Variants in SLC7A2 observed in about 807,000 individuals in gnomAD.
The protein encoded by SLC7A2 is solute carrier family 7 member 2.
In SLC7A2, 48 loss-of-function variants were observed where a neutral mutation model predicts 58.9. The ratio of observed to expected loss-of-function variants is 0.82; its 90% CI spans 0.65 to 1.04. SLC7A2 has a LOEUF of 1.04. SLC7A2 is among the 50% of genes least tolerant of loss of function. The pLI is 0.00. For synonymous variants in SLC7A2, 363 were observed against 314.5 expected, an observed-to-expected ratio of 1.15 and a Z score of -1.63; for missense variants, 1,029 against 818.8, an observed-to-expected ratio of 1.26 and a Z score of -3.13.
intron 2 of SLC7A2, among the ~76,000 whole-genome samples, chr8:17,511,737 A>T (rs1198074106): frequency 3.3e-5 from 5 of 152,210 alleles, no homozygotes; most frequent in Admixed American, 6.5e-5. Context: ...GTTAGAAGCT[A>T]ATAAACTGGG....
At chr8:17,529,259 T>G (rs898290358) in intron 2 of SLC7A2, among the ~76,000 whole-genome samples, 2 of 152,192 alleles carry the variant, frequency 1.3e-5, no homozygotes, top group African/African-American at 2.4e-5. Flanking sequence ...ACGTCTTGTG[T>G]ACGTACAACC....
intron 9 of SLC7A2, 138 bp from the exon 10 acceptor site, chr8:17,560,190 G>T: frequency 1.5e-6 from 1 of 651,528 alleles, no homozygotes; most frequent in Admixed American, 2.6e-5. Flanking sequence ...AGCATGCTCT[G>T]GGACTGGAGT....
At chr8:17,543,850 T>C (rs1802035197) in intron 3 of SLC7A2, 135 bp downstream of exon 3, 2 of 699,258 alleles carry the variant, frequency 2.9e-6, no homozygotes, top group Admixed American at 1.0e-4. Flanking sequence ...ATCTCGAAAA[T>C]GTCTCCTTCT....
In SLC7A2 at chr8:17,556,293, C is replaced by T. The variant is rs577844682; in HGVS notation, c.1195+1594C>T. ...TAACTCATAAAAAATTTTCTCTTTCCGGTAAAATACTTGCCAGTAATGATG... is the reference window on the plus strand; with the variant it reads ...TAACTCATAAAAAATTTTCTCTTTCTGGTAAAATACTTGCCAGTAATGATG... On this transcript the variant is annotated intron_variant, in intron 8 of 12. Coordinates refer to ENST00000494857, the MANE Select transcript of SLC7A2 (RefSeq NM_001370338.1). 1.2e-4 allele frequency among the ~76,000 whole-genome samples: 18 copies of T among 151,690 alleles called. No individual in the cohort carries two copies. The South Asian group carries it at 2.7e-3, about 23-fold the overall frequency.
chr8:17,565,169 C>A lies in SLC7A2; in HGVS notation c.*23C>A. 1.9e-6 allele frequency: 3 copies of A among 1,577,668 alleles called. No homozygotes were observed. Among genetic ancestry groups the A allele is most frequent in the South Asian group, 2.3e-5 (2 of 87,240 alleles). Reference sequence around the variant, plus strand: ...TAACACTTGCAGGAGCAGAGCTGGTCATCGTCTTAGCATACATATCCTACA... The same window carrying A: ...TAACACTTGCAGGAGCAGAGCTGGTAATCGTCTTAGCATACATATCCTACA... On this transcript the variant is annotated 3_prime_UTR_variant, in exon 13 of 13. Transcript: ENST00000494857.
intron 2 of SLC7A2, among the ~76,000 whole-genome samples, chr8:17,536,496 G>A (rs572132543): frequency 1.4e-4 from 22 of 152,178 alleles, no homozygotes; most frequent in East Asian, 1.4e-3. Context: ...CCCGAGAGGC[G>A]GAGGTTGCAG....
intron 2 of SLC7A2, among the ~76,000 whole-genome samples, chr8:17,509,517 G>T (rs550520196): frequency 6.6e-6 from 1 of 152,152 alleles, no homozygotes; most frequent in East Asian, 1.9e-4. Context: ...TGATGGCTAG[G>T]CTGGTCCCGA....
At chr8:17,518,625 A>G (rs1454599514) in intron 2 of SLC7A2, among the ~76,000 whole-genome samples, 1 of 150,262 alleles carries the variant, frequency 6.7e-6, no homozygotes, top group Non-Finnish European at 1.5e-5. Context: ...CCACAACAAA[A>G]CAAAACCATT....
At chr8:17,553,958 C>T (rs1022589093) in intron 7 of SLC7A2, among the ~76,000 whole-genome samples, 3 of 152,116 alleles carry the variant, frequency 2.0e-5, no homozygotes, top group African/African-American at 7.2e-5. Context: ...TTCACTGTGG[C>T]CACATCTGTA....
At chr8:17,548,880 T>A in intron 5 of SLC7A2, 37 bp downstream of exon 5, 1 of 1,545,490 alleles carries the variant, frequency 6.5e-7, no homozygotes, top group African/African-American at 1.4e-5. Flanking sequence ...CTCCTTCTTG[T>A]TTAAGAAAAT....
rs570726025 is a variant in SLC7A2, at chr8:17,497,235, C to T, written c.-71C>T. On this transcript the variant is annotated splice_region_variant and 5_prime_UTR_variant, in exon 1 of 13. Transcript: ENST00000494857. ...TTCTTGGCGCGACCCCAACCCAGCCCCAGTAAGTTGCTAGGTCTCCAGCCC... is the reference window on the plus strand; with the variant it reads ...TTCTTGGCGCGACCCCAACCCAGCCTCAGTAAGTTGCTAGGTCTCCAGCCC... 22 of 152,128 alleles carry T rather than the reference C, an allele frequency of 1.4e-4. No homozygotes were observed. The highest frequency in any genetic ancestry group is 5.3e-4 in the African/African-American group (22 of 41,538). The allele number at this position is 152,128 out of a possible 1,614,324, so 9.4% of individuals were successfully genotyped here.
At chr8:17,531,274 C>T (rs1801440588) in intron 2 of SLC7A2, among the ~76,000 whole-genome samples, 1 of 152,130 alleles carries the variant, frequency 6.6e-6, no homozygotes, top group South Asian at 2.1e-4. Context: ...GAAAATACTG[C>T]AGCTGTACAA....
Position 17,560,495 on chromosome 8 carries a change from A to G in SLC7A2, c.1466A>G (p.Gln489Arg), listed in dbSNP as rs775759164. The change falls in exon 10 of 13, where the codon CAG becomes CGG. Residue 489 changes from glutamine (Q) to arginine (R), a missense_variant. Physicochemically the swap from Gln to Arg is conservative, Grantham distance 43. Transcript: ENST00000494857. ...TGCCCCTCCCTTCTGCCAACACAGC[A>G]GTCAGCTTCTCTCGTGAGCTTTCTG... ...LFCPSLLPTQQSASLVSFLVG... is the reference protein window; with the variant it reads ...LFCPSLLPTQRSASLVSFLVG... The G allele has an allele frequency of 6.2e-7, 1 of 1,613,966 alleles. No homozygotes were observed. Among genetic ancestry groups the G allele is most frequent in the East Asian group, 2.2e-5 (1 of 44,888 alleles).
chr8:17,500,565 C>A (rs1356544983), intron 1 of SLC7A2: 1 of 152,160 alleles, frequency 6.6e-6, no homozygotes, highest in Non-Finnish European at 1.5e-5. Context: ...CACATGTATA[C>A]CTATGTAACA....
intron 5 of SLC7A2, 70 bp downstream of exon 5, chr8:17,548,913 C>T: frequency 8.0e-7 from 1 of 1,253,034 alleles, no homozygotes; most frequent in Non-Finnish European, 1.1e-6. Flanking sequence ...TGTATTAGTT[C>T]ATTTTTACTC....
chr8:17,558,492 G>C, intron 9 of SLC7A2, 95 bp downstream of exon 9: 1 of 706,516 alleles, frequency 1.4e-6, no homozygotes, highest in East Asian at 2.6e-5. Context: ...CAGGGAGCCA[G>C]CAGTCTCACC....
In SLC7A2 at chr8:17,521,116, AC is replaced by A. The variant is rs546206299; in HGVS notation, c.-23+18815del. ...ATGTAAGGTAACTACATTTTCTTCT[AC>A]TATTTTTTTTGGTAGTCCTTGAGCC... On this transcript the variant is annotated intron_variant, in intron 2 of 12. Coordinates refer to ENST00000494857, the MANE Select transcript of SLC7A2 (RefSeq NM_001370338.1). Among the ~76,000 whole-genome samples the A allele has an allele frequency of 1.1e-4, 17 of 152,216 alleles. No homozygotes were observed. In the South Asian group the frequency reaches 3.5e-3, roughly 32 times the overall value.
chr8:17,527,723 A>G (rs529504662), intron 2 of SLC7A2, among the ~76,000 whole-genome samples: 1 of 152,280 alleles, frequency 6.6e-6, no homozygotes, highest in East Asian at 1.9e-4. Context: ...TGTGTCTCAC[A>G]TGGCATTTTC....
At chr8:17,508,433 G>C (rs896746771) in intron 2 of SLC7A2, among the ~76,000 whole-genome samples, 1 of 152,080 alleles carries the variant, frequency 6.6e-6, no homozygotes, top group African/African-American at 2.4e-5. Context: ...TTTTAAAAAT[G>C]ATCAATTGAG....
Sources: allele counts gnomAD v4.1 joint callset (sites outside exome capture counted in the v4.1 genomes callset), GRCh38; gene constraint gnomAD v4.1.1; transcripts MANE v1.5; gene names NCBI Gene and HGNC (gene_info 2026-07-23, HGNC 2026-07-21).